Variants in NSMCE2 observed in about 807,000 individuals in gnomAD.
NSMCE2 encodes the protein NSE2 SUMO ligase component of SMC5/6 complex.
Under a neutral mutation model 23.8 loss-of-function variants are expected in NSMCE2, and 24 were observed. The ratio of observed to expected loss-of-function variants is 1.01; its 90% CI spans 0.73 to 1.42. The LOEUF (loss-of-function observed/expected upper bound fraction) is 1.42. Ranked by LOEUF, NSMCE2 falls within the 40% of genes most tolerant of loss-of-function variation. The pLI, the probability that NSMCE2 is intolerant of heterozygous loss-of-function variation, is 0.00. For synonymous variants in NSMCE2, 92 were observed against 94.1 expected (o/e 0.98, Z 0.13); for missense variants, 284 against 296.5 (o/e 0.96, Z 0.31).
At chr8:125,247,724 C>CAAAA (rs35494894) in intron 5 of NSMCE2, among the ~76,000 whole-genome samples, 1 of 112,984 alleles carries the variant, frequency 8.9e-6, no homozygotes. Context: ...AATTCTGTCT[C>CAAAA]AAAAAAAAAA....
intron 5 of NSMCE2, among the ~76,000 whole-genome samples, chr8:125,320,182 AAAAG>A (rs1232273398): frequency 6.9e-6 from 1 of 144,194 alleles, no homozygotes; most frequent in Non-Finnish European, 1.5e-5. Flanking sequence ...TCTCAAAAAA[AAAAG>A]AGAGAGAGAG....
chr8:125,301,806 G>A (rs946997889), intron 5 of NSMCE2, among the ~76,000 whole-genome samples: 14 of 151,996 alleles, frequency 9.2e-5, no homozygotes, highest in Admixed American at 7.9e-4. Context: ...GGGATTATAG[G>A]CACCAACCAA....
At chr8:125,314,226 G>A (rs1470913772) in intron 5 of NSMCE2, among the ~76,000 whole-genome samples, 1 of 152,150 alleles carries the variant, frequency 6.6e-6, no homozygotes, top group African/African-American at 2.4e-5. Flanking sequence ...AATCAGTAAT[G>A]TGCTTTTTAG....
chr8:125,199,075 CTCTTT>C (rs1352381153), intron 5 of NSMCE2, among the ~76,000 whole-genome samples: 21 of 152,202 alleles, frequency 1.4e-4, no homozygotes, highest in African/African-American at 4.6e-4. Context: ...TGATTCCTCT[CTCTTT>C]TCTTCTTTAT....
chr8:125,107,188 C>CTTTTTTTTTT, intron 3 of NSMCE2, among the ~76,000 whole-genome samples: 1 of 120,020 alleles, frequency 8.3e-6, no homozygotes, highest in Non-Finnish European at 1.7e-5. Flanking sequence ...CAAGGACATT[C>CTTTTTTTTTT]TTTTTTTTTT....
At chr8:125,341,697 G>A (rs1830254181) in intron 5 of NSMCE2, among the ~76,000 whole-genome samples, 1 of 152,018 alleles carries the variant, frequency 6.6e-6, no homozygotes, top group African/African-American at 2.4e-5. Flanking sequence ...CCAATTTATG[G>A]TAGAGCCAAG....
intron 1 of NSMCE2, among the ~76,000 whole-genome samples, chr8:125,094,286 CTATAAT>C (rs1030922839): frequency 3.9e-4 from 60 of 152,232 alleles, no homozygotes; most frequent in African/African-American, 9.6e-4. Flanking sequence ...AGTGGAGTGA[CTATAAT>C]TATAATTATA....
chr8:125,283,378 C>T (rs1827770506), intron 5 of NSMCE2, among the ~76,000 whole-genome samples: 1 of 152,066 alleles, frequency 6.6e-6, no homozygotes, highest in East Asian at 1.9e-4. Context: ...CGAAACCCCG[C>T]ATATACAAAA....
intron 5 of NSMCE2, among the ~76,000 whole-genome samples, chr8:125,202,508 T>G (rs1019451199): frequency 6.6e-6 from 1 of 152,232 alleles, no homozygotes; most frequent in Non-Finnish European, 1.5e-5. Context: ...AGTAATAGTT[T>G]GTGGTTTTTA....
chr8:125,130,120 G>T, intron 3 of NSMCE2: 3 of 338,016 alleles, frequency 8.9e-6, no homozygotes, highest in Admixed American at 3.5e-5. Context: ...TTGTAATCCT[G>T]ACAGTTTTGA....
intron 5 of NSMCE2, among the ~76,000 whole-genome samples, chr8:125,289,033 C>G (rs1828005393): frequency 6.6e-6 from 1 of 152,194 alleles, no homozygotes; most frequent in East Asian, 1.9e-4. Flanking sequence ...CTCAAGCAAT[C>G]CTGCCTTAAC....
chr8:125,233,310 C>A (rs1371398884), intron 5 of NSMCE2, among the ~76,000 whole-genome samples: 1 of 151,996 alleles, frequency 6.6e-6, no homozygotes, highest in Non-Finnish European at 1.5e-5. Context: ...TAAATCAGAA[C>A]CATTTTTGTG....
intron 5 of NSMCE2, among the ~76,000 whole-genome samples, chr8:125,260,918 C>T (rs145132993): frequency 3.9e-5 from 6 of 152,206 alleles, no homozygotes; most frequent in African/African-American, 1.2e-4. Flanking sequence ...GCCATCATGC[C>T]TGGCCAAATT....
chr8:125,191,788 C>T (rs1379993536), intron 5 of NSMCE2, among the ~76,000 whole-genome samples: 2 of 152,180 alleles, frequency 1.3e-5, no homozygotes, highest in Admixed American at 6.5e-5. Context: ...CTTGCACATA[C>T]ATCATCTCGC....
At chr8:125,273,883 T>C (rs1827330152) in intron 5 of NSMCE2, among the ~76,000 whole-genome samples, 1 of 152,208 alleles carries the variant, frequency 6.6e-6, no homozygotes, top group African/African-American at 2.4e-5. Flanking sequence ...AGTGGAGTCA[T>C]TTCTTGATCA....
intron 7 of NSMCE2, among the ~76,000 whole-genome samples, chr8:125,359,195 A>T (rs1813416991): frequency 1.4e-5 from 2 of 142,426 alleles, no homozygotes; most frequent in Admixed American, 7.1e-5. Flanking sequence ...TGAACCCGGG[A>T]GGCGGAGCTT....
chr8:125,169,016 C>T (rs1046909310), intron 4 of NSMCE2, among the ~76,000 whole-genome samples: 3 of 152,200 alleles, frequency 2.0e-5, no homozygotes, highest in African/African-American at 7.2e-5. Context: ...CAGGGTTACA[C>T]ACCTAGTAAC....
intron 5 of NSMCE2, among the ~76,000 whole-genome samples, chr8:125,290,175 C>T (rs773962932): frequency 6.6e-6 from 1 of 152,070 alleles, no homozygotes; most frequent in Non-Finnish European, 1.5e-5. Context: ...ACTCCACTTT[C>T]TGGTAGTAGC....
intron 5 of NSMCE2, among the ~76,000 whole-genome samples, chr8:125,322,867 C>T (rs1291037540): frequency 6.6e-6 from 1 of 152,156 alleles, no homozygotes; most frequent in Non-Finnish European, 1.5e-5. Context: ...ATATGAAATA[C>T]TGCCAACATG....
Sources: allele counts gnomAD v4.1 joint callset (sites outside exome capture counted in the v4.1 genomes callset), GRCh38; gene constraint gnomAD v4.1.1; transcripts MANE v1.5; gene names NCBI Gene and HGNC (gene_info 2026-07-23, HGNC 2026-07-21).